The following SRC variants were observed in gnomAD, a reference collection of about 807,000 sequenced individuals.
SRC encodes the protein SRC proto-oncogene, non-receptor tyrosine kinase, also known as proto-oncogene tyrosine-protein kinase Src.
In SRC, 13 loss-of-function variants were observed where a neutral mutation model predicts 62.9. The ratio of observed to expected loss-of-function variants is 0.21; its 90% CI spans 0.13 to 0.33. The LOEUF (loss-of-function observed/expected upper bound fraction) is 0.33. Among genes scored for constraint, SRC ranks in the 10% least tolerant of loss-of-function variants. The pLI, the probability that SRC is intolerant of heterozygous loss-of-function variation, is 1.00. For synonymous variants in SRC, 302 were observed against 317.5 expected, an observed-to-expected ratio of 0.95 and a Z score of 0.52; for missense variants, 457 against 737.3, an observed-to-expected ratio of 0.62 and a Z score of 4.40.
At chr20:37,352,756 C>T (rs1161933995) in intron 1 of SRC, among the ~76,000 whole-genome samples, 1 of 152,134 alleles carries the variant, frequency 6.6e-6, no homozygotes, top group Non-Finnish European at 1.5e-5. Context: ...TGCCCTGCCC[C>T]GATCATCTCC....
At chr20:37,374,210 G>C (rs935733613) in intron 2 of SRC, among the ~76,000 whole-genome samples, 3 of 151,654 alleles carry the variant, frequency 2.0e-5, no homozygotes, top group African/African-American at 7.3e-5. Flanking sequence ...CTCCCGAGTA[G>C]CTAGGACTAC....
Position 37,402,919 on chromosome 20 carries a change from C to T in SRC, c.1402+39C>T. On this transcript the variant is annotated intron_variant, in intron 13 of 13. Transcript: ENST00000373578. The surrounding 1 kb of genome is among the most constrained non-coding windows in gnomAD (Gnocchi z 6.2). Reference sequence around the variant, plus strand: ...CATGGCCTGTCTGTGGTCCCTGAATCCCTCTGCCCTGGTGGCCTTGGGCAA... The same window carrying T: ...CATGGCCTGTCTGTGGTCCCTGAATTCCTCTGCCCTGGTGGCCTTGGGCAA... 6.3e-7 allele frequency: 1 copy of T among 1,590,420 alleles called. No individual in the cohort carries two copies.
intron 1 of SRC, among the ~76,000 whole-genome samples, chr20:37,352,849 G>A (rs750815973): frequency 6.6e-6 from 1 of 152,146 alleles, no homozygotes; most frequent in African/African-American, 2.4e-5. Context: ...CCCACTGCCT[G>A]GTGTGCCCTC....
chr20:37,382,978 C>G (rs2034790865), intron 3 of SRC, among the ~76,000 whole-genome samples, 192 bp downstream of exon 3: 1 of 152,220 alleles, frequency 6.6e-6, no homozygotes, highest in South Asian at 2.1e-4. Context: ...TCCCAGGTTT[C>G]TGGCTCTGAA....
chr20:37,379,220 C>T (rs1167759721), intron 2 of SRC, among the ~76,000 whole-genome samples: 2 of 152,184 alleles, frequency 1.3e-5, no homozygotes. Flanking sequence ...AAGGGGCCAC[C>T]TTTCCCTGGG....
At position 37,396,366 on chromosome 20, in the gene SRC, C is replaced by G. The variant is rs2147101924; in HGVS notation, c.703+55C>G. On this transcript the variant is annotated intron_variant, in intron 8 of 13. Transcript: ENST00000373578. The surrounding 1 kb of genome is among the most constrained non-coding windows in gnomAD (Gnocchi z 6.1). Reference sequence around the variant, plus strand: ...GCGGGCAAAGCCTCAGCTGCAGACTCTGGGGAGGGGCCTTGGAGCCTAGAA... The same window carrying G: ...GCGGGCAAAGCCTCAGCTGCAGACTGTGGGGAGGGGCCTTGGAGCCTAGAA... The G allele has an allele frequency of 6.2e-7, 1 of 1,600,634 alleles. No individual in the cohort carries two copies. Among genetic ancestry groups the G allele is most frequent in the Non-Finnish European group, 8.5e-7 (1 of 1,176,116 alleles).
intron 2 of SRC, among the ~76,000 whole-genome samples, chr20:37,367,216 G>T (rs1390870792): frequency 6.7e-6 from 1 of 149,746 alleles, no homozygotes; most frequent in Non-Finnish European, 1.5e-5. Flanking sequence ...GGGACCAAAA[G>T]TGTGTGCCAC....
At position 37,398,988 on chromosome 20, in the gene SRC, C is replaced by T. The variant is rs560474247; in HGVS notation, c.860-1127C>T. On this transcript the variant is annotated intron_variant, in intron 9 of 13. Transcript: ENST00000373578. The surrounding 1 kb of genome is among the most constrained non-coding windows in gnomAD (Gnocchi z 5.2). Reference sequence around the variant, plus strand: ...TCACACATCAAAGGAACCTCGAGGCCCACTGGGACAAGAACCTGGATTAAA... The same window carrying T: ...TCACACATCAAAGGAACCTCGAGGCTCACTGGGACAAGAACCTGGATTAAA... Among the ~76,000 whole-genome samples the T allele has an allele frequency of 7.2e-5, 11 of 152,296 alleles. No individual in the cohort carries two copies. The East Asian group carries it at 1.9e-3, about 27-fold the overall frequency.
In SRC at chr20:37,397,455, C is replaced by T. The variant is rs774553823; in HGVS notation, c.704-244C>T. On this transcript the variant is annotated intron_variant, in intron 8 of 13. Coordinates refer to ENST00000373578, the MANE Select transcript of SRC (RefSeq NM_198291.3). The surrounding 1 kb of genome is among the most constrained non-coding windows in gnomAD (Gnocchi z 4.1). The stretch of plus-strand genomic sequence containing the variant: ...GGACATGTTCCCTCCCCGCAGGGTT[C>T]CTGGCACCCCCTACTGTCTGCTGAA... Among the ~76,000 whole-genome samples, 7 of 152,208 alleles carry T rather than the reference C, an allele frequency of 4.6e-5. No individual in the cohort carries two copies. Among genetic ancestry groups the T allele is most frequent in the Non-Finnish European group, 1.0e-4 (7 of 68,028 alleles).
chr20:37,395,924 TGGA>T (rs2070638119), intron 7 of SRC, among the ~76,000 whole-genome samples: 1 of 152,228 alleles, frequency 6.6e-6, no homozygotes. Context: ...ACCTGGGATA[TGGA>T]GGTCTTGCTG....
intron 10 of SRC, among the ~76,000 whole-genome samples, chr20:37,401,149 A>C (rs1191676557): frequency 2.0e-5 from 3 of 151,868 alleles, no homozygotes; most frequent in Non-Finnish European, 4.4e-5. Flanking sequence ...GGTGCACAAC[A>C]TCCTGCCCAG....
chr20:37,347,504 T>C (rs1177719226), intron 1 of SRC, among the ~76,000 whole-genome samples: 1 of 152,212 alleles, frequency 6.6e-6, no homozygotes, highest in African/African-American at 2.4e-5. Flanking sequence ...AATGAATTGT[T>C]CACTGGACAC....
intron 2 of SRC, among the ~76,000 whole-genome samples, chr20:37,381,952 A>G (rs781598077): frequency 5.9e-5 from 9 of 152,064 alleles, no homozygotes; most frequent in Non-Finnish European, 1.0e-4. Context: ...CATGCAAACC[A>G]TACCCCCATT....
chr20:37,361,824 CA>C lies in SRC; in HGVS notation c.-246-3379del, dbSNP rs550410337. On this transcript the variant is annotated intron_variant, in intron 1 of 13. Transcript: ENST00000373578. ...GTAGAGATGCCGGGGTCTCTGTGTG[CA>C]GGTAGAGATGTAGAGATGCCGGGGT... is the stretch of plus-strand genomic sequence containing the variant. Among the ~76,000 whole-genome samples, 352 of 48,590 alleles carry C rather than the reference CA, an allele frequency of 7.2e-3. 22 individuals are homozygous for C. The highest frequency in any genetic ancestry group is 0.067 in the African/African-American group (333 of 4,992). 31.9% of individuals were successfully genotyped at this position (48,590 alleles called of 152,430 possible).
rs2070820685 is a variant in SRC at position 37,405,886 on chromosome 20, TC to T, written c.*2510del. The T allele has an allele frequency of 6.6e-6, 1 of 152,192 alleles. No individual in the cohort carries two copies. Among genetic ancestry groups the T allele is most frequent in the South Asian group, 2.1e-4 (1 of 4,830 alleles). The allele number at this position is 152,192 out of a possible 1,614,324, so 9.4% of individuals were successfully genotyped here. A position where few individuals can be genotyped will look rare whatever the true frequency, so the allele number is the denominator to read the frequency against. On this transcript the variant is annotated 3_prime_UTR_variant, in exon 14 of 14. Transcript: ENST00000373578. ...AAAAATCCAAAGACCCTTCCCCTCC[TC>T]CCTCCTTCCCCACCACCGAAGCACA...
chr20:37,402,264 A>G lies in SRC; in HGVS notation c.1117-171A>G. ...CCTGTGCTCCCTACTCCCGCAGAGC[A>G]CTGCTCCTGCTTTCGATGCCAACAG... On this transcript the variant is annotated intron_variant, in intron 11 of 13. Coordinates refer to ENST00000373578, the MANE Select transcript of SRC (RefSeq NM_198291.3). This position sits in a 1 kb window ranked among gnomAD's most constrained non-coding sequence, Gnocchi z 6.2. 1.4e-6 allele frequency: 1 copy of G among 736,608 alleles called. No homozygotes were observed. Among genetic ancestry groups the G allele is most frequent in the Non-Finnish European group, 2.2e-6 (1 of 460,846 alleles). 45.6% of individuals were successfully genotyped at this position (736,608 alleles called of 1,614,324 possible).
At chr20:37,366,014 T>C (rs1472342684) in intron 2 of SRC, among the ~76,000 whole-genome samples, 1 of 152,204 alleles carries the variant, frequency 6.6e-6, no homozygotes, top group African/African-American at 2.4e-5. Flanking sequence ...TGTTCATGGT[T>C]GCGTAGTATT....
rs1169715854 is a variant in SRC at position 37,396,974 on chromosome 20, C to A, written c.703+663C>A. The stretch of plus-strand genomic sequence containing the variant: ...CCTCCTGACTTCCTCTGGGATCACC[C>A]GCCACTCTCTGTCTCTTCGGCCACC... On this transcript the variant is annotated intron_variant, in intron 8 of 13. Coordinates refer to ENST00000373578, the MANE Select transcript of SRC (RefSeq NM_198291.3). This position sits in a 1 kb window ranked among gnomAD's most constrained non-coding sequence, Gnocchi z 6.1. Among the ~76,000 whole-genome samples, 1 of 152,154 alleles carries A rather than the reference C, an allele frequency of 6.6e-6. No individual in the cohort carries two copies.
intron 1 of SRC, among the ~76,000 whole-genome samples, chr20:37,349,888 G>A (rs1256304119): frequency 6.6e-6 from 1 of 152,220 alleles, no homozygotes; most frequent in Admixed American, 6.5e-5. Flanking sequence ...GCCTGCCTTC[G>A]GTGTGATTGG....
Sources: gnomAD v4.1 joint callset for allele counts (sites outside exome capture counted in the v4.1 genomes callset) on GRCh38, gnomAD v4.1.1 for gene constraint, Gnocchi (gnomAD v3.1) non-coding constraint, MANE v1.5 for transcripts, NCBI Gene and HGNC (gene_info 2026-07-23, HGNC 2026-07-21) for gene names.